The following MAP3K14 variants were observed in gnomAD, a reference collection of about 807,000 sequenced individuals.
The protein encoded by MAP3K14 is NF-kappa-beta-inducing kinase.
A neutral mutation model predicts 99.2 loss-of-function variants in MAP3K14; 16 were observed. The observed-to-expected ratio is 0.16, with a 90% CI of 0.11 to 0.24. The LOEUF is 0.24. Among genes scored for constraint, MAP3K14 ranks in the 10% least tolerant of loss-of-function variants. MAP3K14 has a pLI of 1.00. For missense variants in MAP3K14, 784 were observed against 1,208.7 expected, an observed-to-expected ratio of 0.65 and a Z score of 5.21; for synonymous variants, 462 against 492.4, an observed-to-expected ratio of 0.94 and a Z score of 0.82.
intron 1 of MAP3K14, among the ~76,000 whole-genome samples, chr17:45,299,120 C>T (rs752192685): frequency 6.6e-6 from 1 of 152,186 alleles, no homozygotes; most frequent in Non-Finnish European, 1.5e-5. Flanking sequence ...TGAAGTTCAG[C>T]TATCAGACCA....
chr17:45,265,305 GCT>G (rs1326696181), intron 14 of MAP3K14, 42 bp from the exon 15 acceptor site: 1 of 1,347,216 alleles, frequency 7.4e-7, no homozygotes, highest in Admixed American at 1.7e-5. Context: ...GCGGCTGCTG[GCT>G]CCCCAAGGAC....
intron 1 of MAP3K14, among the ~76,000 whole-genome samples, chr17:45,309,156 T>C (rs1024146979): frequency 1.3e-5 from 2 of 152,230 alleles, no homozygotes; most frequent in Non-Finnish European, 2.9e-5. Context: ...CCTACGCTTC[T>C]GAAAATGCAC....
chr17:45,286,915 C>T lies in MAP3K14; in HGVS notation c.668G>A (p.Arg223Gln), dbSNP rs767596622. Residue 223 changes from arginine to glutamine, a missense_variant, in exon 5 of 16, where the codon CGA becomes CAA. Transcript: ENST00000344686. This position sits in a 1 kb window ranked among gnomAD's most constrained non-coding sequence, Gnocchi z 4.1. ...LGEGLRPALPRSELHKLISPL... is the reference protein window; with the variant it reads ...LGEGLRPALPQSELHKLISPL... ...GCTGATCAGTTTGTGGAGTTCTGAT[C>T]GAGGCAGAGCCGGCCGTAGGCCCTC... 8 of 1,614,022 alleles carry T rather than the reference C, an allele frequency of 5.0e-6. No homozygotes were observed. The highest frequency in any genetic ancestry group is 4.5e-5 in the East Asian group (2 of 44,890).
Position 45,298,028 on chromosome 17 carries a change from C to T in MAP3K14, c.-20-7263G>A, listed in dbSNP as rs1232692994. ...GCCACCATGTCTGGCCAGTTTAAAT[C>T]GTTTTAAAACATGAAAATCTAGACA... is the stretch of plus-strand genomic sequence containing the variant. On this transcript the variant is annotated intron_variant, in intron 1 of 15. Transcript: ENST00000344686. Among the ~76,000 whole-genome samples the T allele has an allele frequency of 9.9e-5, 15 of 152,154 alleles. 1 individual carries two copies. The South Asian group carries it at 3.1e-3, about 32-fold the overall frequency.
rs11574837 is a variant in MAP3K14, at chr17:45,263,743, C to T, written c.*893G>A. The T allele has an allele frequency of 0.034, 5,176 of 152,728 alleles. 138 individuals are homozygous for T. The highest frequency in any genetic ancestry group is 0.11 in the East Asian group (551 of 5,174). 9.5% of individuals were successfully genotyped at this position (152,728 alleles called of 1,614,324 possible). A position where few individuals can be genotyped will look rare whatever the true frequency, so the allele number is the denominator to read the frequency against. ...TGATAGTGGGGCTGGGGCGCCGGAG[C>T]GTCTCTCTCTGCTGCTTTCCTTAGC... On this transcript the variant is annotated 3_prime_UTR_variant, in exon 16 of 16. Coordinates refer to ENST00000344686, the MANE Select transcript of MAP3K14 (RefSeq NM_003954.5).
chr17:45,284,601 C>T (rs970292746), intron 6 of MAP3K14, among the ~76,000 whole-genome samples: 1 of 152,238 alleles, frequency 6.6e-6, no homozygotes. Flanking sequence ...CTCTCACATA[C>T]ACACATGCCA....
intron 1 of MAP3K14, among the ~76,000 whole-genome samples, chr17:45,299,621 G>A (rs770660420): frequency 3.9e-5 from 6 of 152,166 alleles, no homozygotes; most frequent in African/African-American, 1.2e-4. Flanking sequence ...TGAGTGAAAC[G>A]CAGCTGGAGG....
chr17:45,286,080 G>C lies in MAP3K14; in HGVS notation c.1152+351C>G, dbSNP rs188689531. Among the ~76,000 whole-genome samples the C allele has an allele frequency of 1.6e-4, 24 of 151,988 alleles. No individual in the cohort carries two copies. The highest frequency in any genetic ancestry group is 5.5e-4 in the African/African-American group (23 of 41,486). ...AAGTTAACAAGAGGAAAAAGGGAAGGAGGTGGGTGGTGAAAACAGGTCCCA... is the reference window on the plus strand; with the variant it reads ...AAGTTAACAAGAGGAAAAAGGGAAGCAGGTGGGTGGTGAAAACAGGTCCCA... On this transcript the variant is annotated intron_variant, in intron 5 of 15. Transcript: ENST00000344686. This position sits in a 1 kb window ranked among gnomAD's most constrained non-coding sequence, Gnocchi z 4.1.
At chr17:45,299,075 G>GT (rs552726740) in intron 1 of MAP3K14, among the ~76,000 whole-genome samples, 8 of 152,196 alleles carry the variant, frequency 5.3e-5, no homozygotes, top group Admixed American at 1.3e-4. Context: ...TGAGTAAAGC[G>GT]TAAGTCAGGC....
intron 1 of MAP3K14, among the ~76,000 whole-genome samples, chr17:45,315,751 T>C (rs2044525566): frequency 6.6e-6 from 1 of 152,084 alleles, no homozygotes; most frequent in African/African-American, 2.4e-5. Flanking sequence ...GCAAGATATA[T>C]ACCACCCCCA....
chr17:45,294,561 C>T (rs755111700), intron 1 of MAP3K14, among the ~76,000 whole-genome samples: 24 of 152,198 alleles, frequency 1.6e-4, no homozygotes, highest in Non-Finnish European at 2.5e-4. Context: ...AAATCAGGGC[C>T]GGGCTAAATG....
chr17:45,289,571 C>T lies in MAP3K14; in HGVS notation c.257-266G>A, dbSNP rs144633626. Among the ~76,000 whole-genome samples the T allele has an allele frequency of 9.9e-5, 15 of 152,260 alleles. No homozygotes were observed. The East Asian group carries it at 1.2e-3, about 12-fold the overall frequency. ...TATATTATGGGGATCACAGGGCGCC[C>T]GCCTCACTTCCTATGAAGCTGAAGT... is the stretch of plus-strand genomic sequence containing the variant. On this transcript the variant is annotated intron_variant, in intron 2 of 15. Coordinates refer to ENST00000344686, the MANE Select transcript of MAP3K14 (RefSeq NM_003954.5).
At position 45,272,616 on chromosome 17, in the gene MAP3K14, AAAC is replaced by A. The variant is rs1159167582; in HGVS notation, c.1657+884_1657+886del. Among the ~76,000 whole-genome samples the A allele has an allele frequency of 2.0e-5, 3 of 152,188 alleles. No individual in the cohort carries two copies. Among genetic ancestry groups the A allele is most frequent in the African/African-American group, 7.2e-5 (3 of 41,454 alleles). On this transcript the variant is annotated intron_variant, in intron 9 of 15. Coordinates refer to ENST00000344686, the MANE Select transcript of MAP3K14 (RefSeq NM_003954.5). This position sits in a 1 kb window ranked among gnomAD's most constrained non-coding sequence, Gnocchi z 4.1. ...TAATGGCCCTAACTAGGCACAGGGA[AAAC>A]AACAGCCTGGAAGGAGTTATTTAAA...
intron 1 of MAP3K14, among the ~76,000 whole-genome samples, chr17:45,306,103 T>C: frequency 6.6e-6 from 1 of 152,214 alleles, no homozygotes; most frequent in African/African-American, 2.4e-5. Flanking sequence ...TTATCTGCCA[T>C]GTATTAGGTA....
In MAP3K14 at chr17:45,286,363, TAA is replaced by T; in HGVS notation, c.1152+66_1152+67del. The T allele has an allele frequency of 6.8e-7, 1 of 1,473,150 alleles. No individual in the cohort carries two copies. Among genetic ancestry groups the T allele is most frequent in the South Asian group, 1.4e-5 (1 of 70,858 alleles). The allele number at this position is 1,473,150 out of a possible 1,614,324, so 91.3% of individuals were successfully genotyped here. A position where few individuals can be genotyped will look rare whatever the true frequency, so the allele number is the denominator to read the frequency against. On this transcript the variant is annotated intron_variant, in intron 5 of 15. Transcript: ENST00000344686. This position sits in a 1 kb window ranked among gnomAD's most constrained non-coding sequence, Gnocchi z 4.1. ...TCACCACAGGCAAGAGTGACTCTGA[TAA>T]AGAGAGAAAAGCATCCCCCAGGTTG...
At position 45,265,016 on chromosome 17, in the gene MAP3K14, T is replaced by C. The variant is rs2044063939; in HGVS notation, c.2679+147A>G. ...CTTGCTTTGAGGCCCTGGGAAATGC[T>C]TTGAGGTCCTGGGGGACGTTGAAGG... On this transcript the variant is annotated intron_variant, in intron 15 of 15. Coordinates refer to ENST00000344686, the MANE Select transcript of MAP3K14 (RefSeq NM_003954.5). 3.7e-6 allele frequency: 3 copies of C among 806,246 alleles called. No individual in the cohort carries two copies. The Admixed American group carries it at 7.0e-5, about 19-fold the overall frequency. The allele number at this position is 806,246 out of a possible 1,614,324, so 49.9% of individuals were successfully genotyped here. A position where few individuals can be genotyped will look rare whatever the true frequency, so the allele number is the denominator to read the frequency against.
chr17:45,276,153 AAGGAGGCTTCTG>A (rs917821450), intron 6 of MAP3K14, among the ~76,000 whole-genome samples: 2 of 152,146 alleles, frequency 1.3e-5, no homozygotes, highest in Non-Finnish European at 2.9e-5. Context: ...CTGGGAACTT[AAGGAGGCTTCTG>A]AGGAGGCTTC....
At chr17:45,289,435 C>A in intron 2 of MAP3K14, 130 bp from the exon 3 acceptor site, 1 of 685,028 alleles carries the variant, frequency 1.5e-6, no homozygotes, top group Non-Finnish European at 2.6e-6. Flanking sequence ...CCCTGTCTGG[C>A]AGTCACCTCC....
At chr17:45,293,662 G>A (rs1321802223) in intron 1 of MAP3K14, among the ~76,000 whole-genome samples, 2 of 152,174 alleles carry the variant, frequency 1.3e-5, no homozygotes, top group African/African-American at 4.8e-5. Flanking sequence ...CACAAATCAC[G>A]GCCTGGGAGC....
Sources: gnomAD v4.1 joint callset for allele counts (sites outside exome capture counted in the v4.1 genomes callset) on GRCh38, gnomAD v4.1.1 for gene constraint, Gnocchi (gnomAD v3.1) non-coding constraint, MANE v1.5 for transcripts, NCBI Gene and HGNC (gene_info 2026-07-23, HGNC 2026-07-21) for gene names.